PCDHGB5: variants seen among roughly 807,000 people sequenced by gnomAD.
The protein encoded by PCDHGB5 is protocadherin gamma subfamily B, 5, also known as protocadherin gamma-B5.
Under a neutral mutation model 62.9 loss-of-function variants are expected in PCDHGB5, and 48 were observed. That is an observed-to-expected ratio of 0.76 (90% CI 0.61 to 0.97). The LOEUF is 0.97. Ranked by LOEUF, PCDHGB5 falls within the 50% of genes least tolerant of loss-of-function variation. The pLI, the probability that PCDHGB5 is intolerant of heterozygous loss-of-function variation, is 0.00. For missense variants in PCDHGB5, 1,118 were observed against 1,198.6 expected (o/e 0.93, Z 0.99); for synonymous variants, 474 against 511.2 (o/e 0.93, Z 0.98).
rs764389909 is a variant in PCDHGB5, at chr5:141,491,064, ACTGTTG to A, written c.2398-3741_2398-3736del. On this transcript the variant is annotated intron_variant, in intron 1 of 3. Transcript: ENST00000617380. The surrounding 1 kb of genome is among the most constrained non-coding windows in gnomAD (Gnocchi z 6.9). ...GCCACAATGCGTGGCTCTCCTACTCACTGTTGCCACAGTCCACAGCCCCAGGACTGT... is the reference window on the plus strand; with the variant it reads ...GCCACAATGCGTGGCTCTCCTACTCACCACAGTCCACAGCCCCAGGACTGT... 1.2e-6 allele frequency: 2 copies of A among 1,613,962 alleles called. No homozygotes were observed. Among genetic ancestry groups the A allele is most frequent in the Admixed American group, 3.3e-5 (2 of 60,010 alleles).
chr5:141,436,958 G>C (rs2097855854), intron 1 of PCDHGB5, among the ~76,000 whole-genome samples: 1 of 152,124 alleles, frequency 6.6e-6, no homozygotes, highest in Non-Finnish European at 1.5e-5. Context: ...ATCTAAACAA[G>C]GATCTTGTGA....
rs370090713 is a variant in PCDHGB5, at chr5:141,399,279, C to T, written c.1152C>T (p.Gly384=). The change falls in exon 1 of 4, where the codon GGC becomes GGT. Residue 384 remains glycine, a synonymous_variant. Transcript: ENST00000617380. ...ENGEVNCQLQ[G]EVPFKIISSS... Reference sequence around the variant, plus strand: ...GGGAGGTTAATTGTCAATTACAAGGCGAAGTCCCTTTTAAGATTATCTCTT... The same window carrying T: ...GGGAGGTTAATTGTCAATTACAAGGTGAAGTCCCTTTTAAGATTATCTCTT... 4.7e-5 allele frequency: 76 copies of T among 1,613,576 alleles called. No homozygotes were observed. The highest frequency in any genetic ancestry group is 5.0e-5 in the Non-Finnish European group (59 of 1,179,738).
chr5:141,456,783 C>G (rs1400541298), intron 1 of PCDHGB5, among the ~76,000 whole-genome samples: 3 of 151,802 alleles, frequency 2.0e-5, no homozygotes, highest in African/African-American at 4.8e-5. Flanking sequence ...GCCTACATGG[C>G]AAAACCCCAT....
At chr5:141,404,123 T>A (rs1477938356) in intron 1 of PCDHGB5, 4 of 1,613,394 alleles carry the variant, frequency 2.5e-6, no homozygotes, top group Admixed American at 1.7e-5. Context: ...GGAGAATCTA[T>A]CTTTTACATT....
intron 1 of PCDHGB5, chr5:141,427,831 G>T: frequency 7.1e-6 from 11 of 1,539,366 alleles, no homozygotes; most frequent in Non-Finnish European, 9.8e-6. Context: ...GTCGCGCAGC[G>T]TGCCTTCGAC....
rs368718827 is a variant in PCDHGB5, at chr5:141,410,231, G to A, written c.2397+9707G>A. On this transcript the variant is annotated intron_variant, in intron 1 of 3. Transcript: ENST00000617380. ...GCAAGAGATACTGCCAGACCTCAGC[G>A]ACCGCCCTGTACTCTCTGACCCCCA... 8.7e-6 allele frequency: 14 copies of A among 1,613,888 alleles called. No homozygotes were observed. The highest frequency in any genetic ancestry group is 1.6e-4 in the Middle Eastern group (1 of 6,084).
At position 141,398,356 on chromosome 5, in the gene PCDHGB5, G is replaced by C. The variant is rs1242233046; in HGVS notation, c.229G>C (p.Val77Leu). The C allele has an allele frequency of 5.0e-6, 7 of 1,409,380 alleles. No homozygotes were observed. The highest frequency in any genetic ancestry group is 2.4e-5 in the East Asian group (1 of 41,698). 87.3% of individuals were successfully genotyped at this position (1,409,380 alleles called of 1,614,324 possible). A position where few individuals can be genotyped will look rare whatever the true frequency, so the allele number is the denominator to read the frequency against. The change falls in exon 1 of 4, where the codon GTG becomes CTG. Residue 77 changes from valine to leucine, a missense_variant. Val to Leu is a conservative substitution (Grantham distance 32). Transcript: ENST00000617380. ...CAGTTCGGAGAAGCCTTACTTCACC[G>C]TGAGCGCAGAGAGCGGGGAGTTGCT... ...RVSSEKPYFT[V>L]SAESGELLVS... is the part of the protein sequence containing the mutation.
rs368850413 is a variant in PCDHGB5, at chr5:141,400,711, C to T, written c.2397+187C>T. 8.7e-6 allele frequency: 6 copies of T among 691,160 alleles called. No individual in the cohort carries two copies. The African/African-American group carries it at 9.0e-5, about 10-fold the overall frequency. The allele number at this position is 691,160 out of a possible 1,614,324, so 42.8% of individuals were successfully genotyped here. On this transcript the variant is annotated intron_variant, in intron 1 of 3. Coordinates refer to ENST00000617380, the MANE Select transcript of PCDHGB5 (RefSeq NM_018925.3). Reference sequence around the variant, plus strand: ...TTTTATGTCGCATAAAAGAAGTAGCCTTATAGATTTACAAAGTAGTGAGAG... The same window carrying T: ...TTTTATGTCGCATAAAAGAAGTAGCTTTATAGATTTACAAAGTAGTGAGAG...
intron 1 of PCDHGB5, chr5:141,404,536 G>A: frequency 6.2e-7 from 1 of 1,613,922 alleles, no homozygotes; most frequent in Non-Finnish European, 8.5e-7. Flanking sequence ...TTAGAGATTT[G>A]CAAATGCAGG....
intron 1 of PCDHGB5, among the ~76,000 whole-genome samples, chr5:141,438,625 TATATATATATACACACAC>T (rs1351180774): frequency 3.0e-4 from 14 of 46,412 alleles, no homozygotes; most frequent in Middle Eastern, 8.3e-3. Context: ...TATATATATA[TATATATATATACACACAC>T]ACACACACAT....
chr5:141,464,530 T>C (rs375523203), intron 1 of PCDHGB5, among the ~76,000 whole-genome samples: 1 of 152,108 alleles, frequency 6.6e-6, no homozygotes, highest in African/African-American at 2.4e-5. Flanking sequence ...TATGTAGTTT[T>C]GTTAAATATA....
chr5:141,436,240 G>T (rs192988618), intron 1 of PCDHGB5, among the ~76,000 whole-genome samples: 1 of 152,082 alleles, frequency 6.6e-6, no homozygotes. Context: ...AGCTAACATG[G>T]TCTAATTATT....
Position 141,431,051 on chromosome 5 carries a change from G to C in PCDHGB5, c.2397+30527G>C, listed in dbSNP as rs1280440001. On this transcript the variant is annotated intron_variant, in intron 1 of 3. Coordinates refer to ENST00000617380, the MANE Select transcript of PCDHGB5 (RefSeq NM_018925.3). This position sits in a 1 kb window ranked among gnomAD's most constrained non-coding sequence, Gnocchi z 4.8. ...GATAGACCGGGAGGAGCTCTGTATGGGGGCCATCAAGTGTCAATTAAATCT... is the reference window on the plus strand; with the variant it reads ...GATAGACCGGGAGGAGCTCTGTATGCGGGCCATCAAGTGTCAATTAAATCT... 3 of 1,614,218 alleles carry C rather than the reference G, an allele frequency of 1.9e-6. No homozygotes were observed. Among genetic ancestry groups the C allele is most frequent in the East Asian group, 2.2e-5 (1 of 44,886 alleles).
At chr5:141,422,546 GGC>G in intron 1 of PCDHGB5, 8 of 1,613,972 alleles carry the variant, frequency 5.0e-6, no homozygotes, top group Non-Finnish European at 6.8e-6. Flanking sequence ...ACTCATGTCT[GGC>G]TGAATGTGGC....
chr5:141,400,209 G>A lies in PCDHGB5; in HGVS notation c.2082G>A (p.Leu694=). The change falls in exon 1 of 4, where the codon TTG becomes TTA. Residue 694 remains leucine, a synonymous_variant. Coordinates refer to ENST00000617380, the MANE Select transcript of PCDHGB5 (RefSeq NM_018925.3). ...LQFYLVVALA[L]ISVLFLLAVI... ...TTTACCTAGTGGTGGCCTTGGCCTT[G>A]ATCTCAGTGCTCTTCCTCCTGGCCG... 1 of 1,614,052 alleles carries A rather than the reference G, an allele frequency of 6.2e-7. No homozygotes were observed. Among genetic ancestry groups the A allele is most frequent in the South Asian group, 1.1e-5 (1 of 91,084 alleles).
Position 141,491,842 on chromosome 5 carries a change from T to C in PCDHGB5, c.2398-2965T>C, listed in dbSNP as rs551615550. The C allele has an allele frequency of 7.5e-6, 11 of 1,464,162 alleles. No homozygotes were observed. In the South Asian group the frequency reaches 1.3e-4, roughly 17 times the overall value. 90.7% of individuals were successfully genotyped at this position (1,464,162 alleles called of 1,614,324 possible). ...GCGCTCCACCCGATTCTCGGGATCA[T>C]TGGACCGTTTGCGCGAAACCAGAGT... On this transcript the variant is annotated intron_variant, in intron 1 of 3. Transcript: ENST00000617380. The surrounding 1 kb of genome is among the most constrained non-coding windows in gnomAD (Gnocchi z 6.9).
Position 141,400,126 on chromosome 5 carries a change from G to A in PCDHGB5, c.1999G>A (p.Val667Met), listed in dbSNP as rs1428204829. 1.2e-6 allele frequency: 2 copies of A among 1,613,972 alleles called. No homozygotes were observed. The highest frequency in any genetic ancestry group is 2.2e-5 in the East Asian group (1 of 44,894). Residue 667 changes from valine (V) to methionine (M), a missense_variant, in exon 1 of 4, where the codon GTG (valine) becomes ATG (methionine). Physicochemically the swap from Val to Met is conservative, Grantham distance 21 (BLOSUM62 1). Transcript: ENST00000617380. ...GGTCTTTGCTGACAGCTTGCAGGAG[G>A]TGCTGCCGGATATCACTGACCGCCC... The part of the protein sequence containing the change: ...HLVFADSLQE[V>M]LPDITDRPVP...
chr5:141,425,845 GT>G (rs2096898477), intron 1 of PCDHGB5, among the ~76,000 whole-genome samples: 1 of 152,126 alleles, frequency 6.6e-6, no homozygotes, highest in Non-Finnish European at 1.5e-5. Context: ...TCTTTGCTGG[GT>G]TAATGACTGT....
At chr5:141,410,767 G>T in intron 1 of PCDHGB5, 6 of 942,270 alleles carry the variant, frequency 6.4e-6, no homozygotes, top group South Asian at 2.2e-5. Context: ...TTCAATTATA[G>T]TTTTCACTAT....
Sources: gnomAD v4.1 joint callset for allele counts (sites outside exome capture counted in the v4.1 genomes callset) on GRCh38, gnomAD v4.1.1 for gene constraint, Gnocchi (gnomAD v3.1) non-coding constraint, MANE v1.5 for transcripts, NCBI Gene and HGNC (gene_info 2026-07-23, HGNC 2026-07-21) for gene names.